Variants in PPP2R2B observed in about 807,000 individuals in gnomAD.
The protein encoded by PPP2R2B is protein phosphatase 2 regulatory subunit Bbeta.
PPP2R2B carries 5 observed loss-of-function variants against 46.0 expected under a neutral mutation model. The ratio of observed to expected loss-of-function variants is 0.11; its 90% CI spans 0.06 to 0.23. The LOEUF (loss-of-function observed/expected upper bound fraction) is 0.23. Ranked by LOEUF, PPP2R2B falls within the 10% of genes least tolerant of loss-of-function variation. PPP2R2B has a pLI of 1.00. For missense variants in PPP2R2B, 367 were observed against 575.0 expected (o/e 0.64, Z 3.70); for synonymous variants, 215 against 206.7 (o/e 1.04, Z -0.34).
At chr5:146,768,928 A>G (rs899680294) in intron 2 of PPP2R2B, among the ~76,000 whole-genome samples, 3 of 149,972 alleles carry the variant, frequency 2.0e-5, no homozygotes, top group African/African-American at 7.3e-5. Flanking sequence ...TCTGCCTCTC[A>G]CTGAGGCTGA....
At chr5:146,767,823 G>T (rs565945907) in intron 2 of PPP2R2B, among the ~76,000 whole-genome samples, 1 of 152,178 alleles carries the variant, frequency 6.6e-6, no homozygotes, top group East Asian at 1.9e-4. Flanking sequence ...AGCATGACAC[G>T]TATCTACCAC....
intron 2 of PPP2R2B, among the ~76,000 whole-genome samples, chr5:146,749,759 C>T (rs906811354): frequency 8.6e-5 from 13 of 151,848 alleles, no homozygotes; most frequent in East Asian, 1.9e-4. Flanking sequence ...CCACCATGCC[C>T]GGCTAATTTT....
chr5:147,042,941 C>A (rs1012221073), intron 1 of PPP2R2B, among the ~76,000 whole-genome samples: 1 of 152,064 alleles, frequency 6.6e-6, no homozygotes, highest in African/African-American at 2.4e-5. Flanking sequence ...GTTTGAAGAA[C>A]AGCAATGAGT....
At chr5:146,739,025 ATT>A (rs5871990) in intron 2 of PPP2R2B, among the ~76,000 whole-genome samples, 6 of 150,766 alleles carry the variant, frequency 4.0e-5, no homozygotes, top group African/African-American at 7.3e-5. Context: ...AAGTGCACCT[ATT>A]TTTTTTTTAA....
chr5:146,877,135 G>A (rs1041531901), intron 2 of PPP2R2B, among the ~76,000 whole-genome samples: 3 of 140,384 alleles, frequency 2.1e-5, no homozygotes, highest in African/African-American at 8.7e-5. Context: ...TTGGCACTGG[G>A]GGAAAAAAAT....
At chr5:146,896,669 T>A (rs1250745221) in intron 1 of PPP2R2B, among the ~76,000 whole-genome samples, 2 of 152,128 alleles carry the variant, frequency 1.3e-5, no homozygotes, top group African/African-American at 4.8e-5. Flanking sequence ...TTTAATTTTT[T>A]AAGCCCATTT....
At chr5:147,024,153 C>A (rs959279475) in intron 1 of PPP2R2B, among the ~76,000 whole-genome samples, 1 of 145,542 alleles carries the variant, frequency 6.9e-6, no homozygotes, top group African/African-American at 2.6e-5. Flanking sequence ...AAATCCCCTC[C>A]TCTATCTATC....
At chr5:146,730,210 G>A (rs1752144135) in intron 2 of PPP2R2B, among the ~76,000 whole-genome samples, 1 of 152,152 alleles carries the variant, frequency 6.6e-6, no homozygotes, top group African/African-American at 2.4e-5. Context: ...CACTTGCATA[G>A]GCTCAGTAAC....
At chr5:146,800,710 T>C (rs1756811119) in intron 2 of PPP2R2B, among the ~76,000 whole-genome samples, 1 of 151,922 alleles carries the variant, frequency 6.6e-6, no homozygotes. Flanking sequence ...ACTCCTGCCC[T>C]TCGGTCTAAT....
chr5:147,077,190 TTATA>T (rs1186204052), intron 2 of PPP2R2B, among the ~76,000 whole-genome samples: 1 of 140,476 alleles, frequency 7.1e-6, no homozygotes, highest in Non-Finnish European at 1.5e-5. Flanking sequence ...ATATTGTATA[TTATA>T]TATTATATAT....
At chr5:146,657,906 G>A (rs1484042566) in intron 5 of PPP2R2B, among the ~76,000 whole-genome samples, 1 of 152,108 alleles carries the variant, frequency 6.6e-6, no homozygotes, top group East Asian at 1.9e-4. Flanking sequence ...TATATATCAA[G>A]GTCATGGGGT....
At chr5:146,593,835 G>A (rs545424631) in intron 8 of PPP2R2B, among the ~76,000 whole-genome samples, 1 of 152,188 alleles carries the variant, frequency 6.6e-6, no homozygotes, top group South Asian at 2.1e-4. Flanking sequence ...AGGAAGAAGA[G>A]ACCTCACAGA....
intron 5 of PPP2R2B, among the ~76,000 whole-genome samples, chr5:146,677,317 TCA>T (rs1671248943): frequency 6.6e-6 from 1 of 152,180 alleles, no homozygotes; most frequent in Non-Finnish European, 1.5e-5. Flanking sequence ...GGAAGTGAGA[TCA>T]CAGAGTAGAG....
At chr5:146,666,733 C>A (rs1460490896) in intron 5 of PPP2R2B, among the ~76,000 whole-genome samples, 1 of 152,236 alleles carries the variant, frequency 6.6e-6, no homozygotes, top group East Asian at 1.9e-4. Flanking sequence ...ACTTGGCCTC[C>A]ACAAATGCTT....
chr5:146,874,249 G>A (rs151170345), intron 2 of PPP2R2B, among the ~76,000 whole-genome samples: 4 of 152,302 alleles, frequency 2.6e-5, no homozygotes, highest in Admixed American at 1.3e-4. Flanking sequence ...CAGAGACCAC[G>A]TCTGTATTGG....
chr5:146,912,295 G>C (rs974759244), intron 1 of PPP2R2B, among the ~76,000 whole-genome samples: 3 of 147,146 alleles, frequency 2.0e-5, no homozygotes, highest in Non-Finnish European at 4.5e-5. Flanking sequence ...ACCCTAAAGA[G>C]AGTGACCTTA....
chr5:146,928,319 C>A (rs1763853672), intron 1 of PPP2R2B, among the ~76,000 whole-genome samples: 1 of 151,844 alleles, frequency 6.6e-6, no homozygotes. Flanking sequence ...CTCCAACTCT[C>A]TACATGCCAT....
At chr5:146,598,432 C>A (rs1470166224) in intron 8 of PPP2R2B, among the ~76,000 whole-genome samples, 2 of 152,142 alleles carry the variant, frequency 1.3e-5, no homozygotes, top group Non-Finnish European at 2.9e-5. Context: ...TCTAGAAGAT[C>A]TCATCCAGTC....
chr5:146,765,565 A>G (rs1029166616), intron 2 of PPP2R2B, among the ~76,000 whole-genome samples: 3 of 152,252 alleles, frequency 2.0e-5, no homozygotes, highest in African/African-American at 7.2e-5. Flanking sequence ...TTGCCACTCT[A>G]AATTATAAAT....
Sources: allele counts gnomAD v4.1 joint callset (sites outside exome capture counted in the v4.1 genomes callset), GRCh38; gene constraint gnomAD v4.1.1; transcripts MANE v1.5; gene names NCBI Gene and HGNC (gene_info 2026-07-23, HGNC 2026-07-21).